Variants in DSCAM observed in about 807,000 individuals in gnomAD.
The protein encoded by DSCAM is DS cell adhesion molecule.
A neutral mutation model predicts 217.7 loss-of-function variants in DSCAM; 47 were observed. The observed-to-expected ratio is 0.22, with a 90% confidence interval of 0.17 to 0.28. The LOEUF (loss-of-function observed/expected upper bound fraction) is 0.28. Among genes scored for constraint, DSCAM ranks in the 10% least tolerant of loss-of-function variants. The pLI is 1.00. For synonymous variants in DSCAM, 1,056 were observed against 1,015.3 expected, an observed-to-expected ratio of 1.04 and a Z score of -0.76; for missense variants, 2,080 against 2,618.3, an observed-to-expected ratio of 0.79 and a Z score of 4.49.
At chr21:40,730,195 A>G (rs1214050122) in intron 1 of DSCAM, among the ~76,000 whole-genome samples, 1 of 152,184 alleles carries the variant, frequency 6.6e-6, no homozygotes, top group Non-Finnish European at 1.5e-5. Flanking sequence ...AATAGAGTCC[A>G]TTATTCCACA....
chr21:40,827,071 G>A (rs1051104440), intron 1 of DSCAM, among the ~76,000 whole-genome samples: 1 of 152,098 alleles, frequency 6.6e-6, no homozygotes, highest in Non-Finnish European at 1.5e-5. Context: ...AACATTTAGA[G>A]TCTAATTAGA....
At chr21:40,217,496 G>C (rs1216557232) in intron 11 of DSCAM, among the ~76,000 whole-genome samples, 3 of 151,982 alleles carry the variant, frequency 2.0e-5, no homozygotes, top group Non-Finnish European at 4.4e-5. Context: ...TTGTTGTATA[G>C]ATTATTTCAC....
At chr21:40,844,534 T>C (rs890879592) in intron 1 of DSCAM, among the ~76,000 whole-genome samples, 1 of 152,240 alleles carries the variant, frequency 6.6e-6, no homozygotes, top group African/African-American at 2.4e-5. Context: ...ACAATAATGG[T>C]GATTATCAGT....
chr21:40,120,004 T>C (rs1483890161), intron 20 of DSCAM, among the ~76,000 whole-genome samples: 3 of 152,232 alleles, frequency 2.0e-5, no homozygotes, highest in East Asian at 3.9e-4. Context: ...CTGTGGCTGA[T>C]TGGGAGGCAA....
intron 3 of DSCAM, among the ~76,000 whole-genome samples, chr21:40,475,605 G>A (rs2075927097): frequency 6.6e-6 from 1 of 152,200 alleles, no homozygotes; most frequent in African/African-American, 2.4e-5. Flanking sequence ...GGCCGAGGCA[G>A]GCAGATCACA....
At chr21:40,512,524 G>T (rs536959796) in intron 3 of DSCAM, among the ~76,000 whole-genome samples, 2 of 152,216 alleles carry the variant, frequency 1.3e-5, no homozygotes, top group South Asian at 4.1e-4. Flanking sequence ...AGAGTGGGAG[G>T]CTGTCTTCAC....
At chr21:40,752,483 C>A (rs1382978730) in intron 1 of DSCAM, among the ~76,000 whole-genome samples, 1 of 152,134 alleles carries the variant, frequency 6.6e-6, no homozygotes, top group East Asian at 1.9e-4. Context: ...AGAGGACCAA[C>A]AAGATTTGAG....
At chr21:40,271,130 C>T (rs909111012) in intron 11 of DSCAM, among the ~76,000 whole-genome samples, 1 of 152,220 alleles carries the variant, frequency 6.6e-6, no homozygotes, top group South Asian at 2.1e-4. Flanking sequence ...CACATGTGTG[C>T]ACTTGCATTC....
At chr21:40,098,320 T>C (rs1329491116) in intron 20 of DSCAM, among the ~76,000 whole-genome samples, 1 of 152,194 alleles carries the variant, frequency 6.6e-6, no homozygotes, top group Non-Finnish European at 1.5e-5. Context: ...GAAACAAAAC[T>C]AATGGAACTT....
At chr21:40,283,408 C>CATACTGAATTGCTAGT (rs1267356560) in intron 10 of DSCAM, among the ~76,000 whole-genome samples, 1 of 152,180 alleles carries the variant, frequency 6.6e-6, no homozygotes, top group African/African-American at 2.4e-5. Flanking sequence ...ATGTAAGGCA[C>CATACTGAATTGCTAGT]ATACTGAATT....
At chr21:40,346,554 G>A (rs2074560129) in intron 6 of DSCAM, among the ~76,000 whole-genome samples, 1 of 151,850 alleles carries the variant, frequency 6.6e-6, no homozygotes, top group African/African-American at 2.4e-5. Context: ...TTTCCAACAA[G>A]ACACACAAAT....
intron 3 of DSCAM, among the ~76,000 whole-genome samples, chr21:40,518,382 A>AT (rs1301989315): frequency 0.018 from 2 of 114 alleles, no homozygotes; most frequent in East Asian, 0.5. Flanking sequence ...ATATATATAT[A>AT]ATATATTATA....
rs1187056051 is a variant in DSCAM, at chr21:40,512,003, AAAAAAAAG to A, written c.509-142766_509-142759del. Among the ~76,000 whole-genome samples the A allele has an allele frequency of 7.4e-5, 11 of 149,040 alleles. 1 individual carries two copies. Among genetic ancestry groups the A allele is most frequent in the African/African-American group, 2.7e-4 (11 of 40,128 alleles). On this transcript the variant is annotated intron_variant, in intron 3 of 32. Transcript: ENST00000400454. ...GAGACTCTGTCTCAAAAAAAAAAAA[AAAAAAAAG>A]TATTCTATTTGAGGTCTTGCTTTTG...
intron 1 of DSCAM, among the ~76,000 whole-genome samples, chr21:40,723,785 C>CA (rs1032987041): frequency 4.6e-5 from 7 of 152,074 alleles, no homozygotes; most frequent in Non-Finnish European, 8.8e-5. Context: ...GAGTGGCTGA[C>CA]AAAAAGAATT....
rs741796 is a variant in DSCAM, at chr21:40,014,507, C to A, written c.5687-1121G>T. Among the ~76,000 whole-genome samples the A allele has an allele frequency of 7.1e-3, 1,084 of 152,344 alleles. 13 individuals carry two copies. Among genetic ancestry groups the A allele is most frequent in the African/African-American group, 0.025 (1,046 of 41,580 alleles). On this transcript the variant is annotated intron_variant, in intron 32 of 32. Transcript: ENST00000400454. ...TGGGATGCTGCAAGCCAATGACAAG[C>A]GTGACAGGGCTTTTCTCATGGCCGT... is the stretch of plus-strand genomic sequence containing the variant.
intron 3 of DSCAM, among the ~76,000 whole-genome samples, chr21:40,675,451 C>T (rs1164256180): frequency 2.0e-5 from 3 of 152,150 alleles, no homozygotes; most frequent in Non-Finnish European, 4.4e-5. Context: ...ATGTAGAGTC[C>T]CTCCTATAGA....
At chr21:40,069,098 A>G (rs1372681691) in intron 27 of DSCAM, among the ~76,000 whole-genome samples, 1 of 152,058 alleles carries the variant, frequency 6.6e-6, no homozygotes, top group Admixed American at 6.6e-5. Flanking sequence ...AAAAAAAAAA[A>G]AAAGAAAAAG....
chr21:40,082,217 T>G (rs1030427563), intron 24 of DSCAM, among the ~76,000 whole-genome samples: 2 of 152,124 alleles, frequency 1.3e-5, no homozygotes, highest in Admixed American at 1.3e-4. Flanking sequence ...TCCCAGCACG[T>G]TGGGAAGCCA....
At chr21:40,449,465 G>T (rs1004258450) in intron 3 of DSCAM, among the ~76,000 whole-genome samples, 5 of 152,102 alleles carry the variant, frequency 3.3e-5, no homozygotes, top group Admixed American at 6.6e-5. Flanking sequence ...AATGAAAGAT[G>T]AAAAGAAAAC....
Sources: allele counts gnomAD v4.1 joint callset (sites outside exome capture counted in the v4.1 genomes callset), GRCh38; gene constraint gnomAD v4.1.1; transcripts MANE v1.5; gene names NCBI Gene and HGNC (gene_info 2026-07-23, HGNC 2026-07-21).